Variants in ITGA2 observed in about 807,000 individuals in gnomAD.
ITGA2 encodes the protein integrin subunit alpha 2, also known as integrin alpha-2.
Under a neutral mutation model 146.3 loss-of-function variants are expected in ITGA2, and 101 were observed. The ratio of observed to expected loss-of-function variants is 0.69; its 90% CI spans 0.59 to 0.81. The LOEUF (loss-of-function observed/expected upper bound fraction) is 0.81, where lower values mean the gene tolerates loss of function less well. Among genes scored for constraint, ITGA2 ranks in the 40% least tolerant of loss-of-function variants. The pLI, the probability that ITGA2 is intolerant of heterozygous loss-of-function variation, is 0.00. For synonymous variants in ITGA2, 477 were observed against 487.1 expected (o/e 0.98, Z 0.27); for missense variants, 1,281 against 1,402.7 (o/e 0.91, Z 1.39).
In ITGA2 at chr5:53,093,463, AGC is replaced by A. The variant is rs1740537268; in HGVS notation, c.*2865_*2866del. ...GGGGCTGTCCTGTACCTTGTAGGAC[AGC>A]AGCCCTGTCCTAGAAGGTATGTTTA... is the stretch of plus-strand genomic sequence containing the variant. On this transcript the variant is annotated 3_prime_UTR_variant, in exon 30 of 30. Coordinates refer to ENST00000296585, the MANE Select transcript of ITGA2 (RefSeq NM_002203.4). The A allele has an allele frequency of 7.1e-6, 1 of 139,866 alleles. No homozygotes were observed. The highest frequency in any genetic ancestry group is 2.7e-5 in the African/African-American group (1 of 37,314). 8.7% of individuals were successfully genotyped at this position (139,866 alleles called of 1,614,324 possible).
chr5:53,013,898 T>C (rs1225646343), intron 1 of ITGA2, among the ~76,000 whole-genome samples: 1 of 152,108 alleles, frequency 6.6e-6, no homozygotes, highest in Non-Finnish European at 1.5e-5. Flanking sequence ...GTTTTGGCCC[T>C]CAGCTTGGAC....
intron 12 of ITGA2, among the ~76,000 whole-genome samples, chr5:53,061,748 C>G (rs1429856938): frequency 6.6e-6 from 1 of 151,838 alleles, no homozygotes. Flanking sequence ...TTAAAATGAG[C>G]ATCACTAATC....
At chr5:53,015,748 T>A (rs1426215048) in intron 1 of ITGA2, among the ~76,000 whole-genome samples, 1 of 152,182 alleles carries the variant, frequency 6.6e-6, no homozygotes, top group East Asian at 1.9e-4. Flanking sequence ...TCTAAGGACT[T>A]GTTTTATGAA....
At chr5:53,066,186 C>G (rs2111978415) in intron 15 of ITGA2, among the ~76,000 whole-genome samples, 1 of 151,966 alleles carries the variant, frequency 6.6e-6, no homozygotes, top group South Asian at 2.1e-4. Context: ...ATAGTTCTCT[C>G]CTCATATGGT....
chr5:53,011,292 A>G (rs1478185961), intron 1 of ITGA2, among the ~76,000 whole-genome samples: 1 of 152,102 alleles, frequency 6.6e-6, no homozygotes, highest in African/African-American at 2.4e-5. Flanking sequence ...AAAAGGTTGA[A>G]TTTTCTTCCT....
chr5:53,011,137 G>A (rs1397137208), intron 1 of ITGA2, among the ~76,000 whole-genome samples: 1 of 152,162 alleles, frequency 6.6e-6, no homozygotes, highest in Non-Finnish European at 1.5e-5. Context: ...AACTTCTGCT[G>A]TTTTAAACCA....
chr5:52,993,500 T>C (rs1003763230), intron 1 of ITGA2, among the ~76,000 whole-genome samples: 2 of 152,198 alleles, frequency 1.3e-5, no homozygotes, highest in African/African-American at 4.8e-5. Flanking sequence ...CCTTACCACC[T>C]TGTGGGATGA....
At chr5:53,002,691 T>C (rs1331540841) in intron 1 of ITGA2, among the ~76,000 whole-genome samples, 2 of 152,184 alleles carry the variant, frequency 1.3e-5, no homozygotes, top group Non-Finnish European at 2.9e-5. Context: ...TTTTTTCTTT[T>C]CGTTTTACTT....
At position 53,067,214 on chromosome 5, in the gene ITGA2, C is replaced by T. The variant is rs1313455026; in HGVS notation, c.2040C>T (p.Cys680=). 1 of 1,611,666 alleles carries T rather than the reference C, an allele frequency of 6.2e-7. No individual in the cohort carries two copies. Among genetic ancestry groups the T allele is most frequent in the Non-Finnish European group, 8.5e-7 (1 of 1,178,712 alleles). Reference sequence around the variant, plus strand: ...ATGCTCAGATAATTCTCAAACTCTGCTTCAGTGCAAAGTTCAGACCTACTA... The same window carrying T: ...ATGCTCAGATAATTCTCAAACTCTGTTTCAGTGCAAAGTTCAGACCTACTA... ...NKNAQIILKL[C]FSAKFRPTKQ... is the part of the protein sequence containing the mutation. The change falls in exon 16 of 30, where the codon TGC becomes TGT. Residue 680 remains cysteine, a synonymous_variant. Transcript: ENST00000296585.
Position 53,058,030 on chromosome 5 carries a change from G to A in ITGA2, c.1102G>A (p.Val368Ile), listed in dbSNP as rs1176554942. The A allele has an allele frequency of 1.2e-6, 2 of 1,609,914 alleles. No homozygotes were observed. The highest frequency in any genetic ancestry group is 1.3e-5 in the African/African-American group (1 of 74,718). ...TTTAAAATTGAATGTTCCAGGTACT[G>A]TTCAAGGAGGAGACAACTTTCAGAT... is the stretch of plus-strand genomic sequence containing the variant. Reference protein sequence around the residue: ...GEQIFSIEGTVQGGDNFQMEM... With the variant: ...GEQIFSIEGTIQGGDNFQMEM... The change falls in exon 10 of 30, where the codon GTT becomes ATT. Residue 368 changes from valine (V) to isoleucine (I), a missense_variant. Transcript: ENST00000296585.
At chr5:53,069,769 C>T (rs572028043) in intron 16 of ITGA2, among the ~76,000 whole-genome samples, 2 of 151,978 alleles carry the variant, frequency 1.3e-5, no homozygotes, top group East Asian at 3.9e-4. Context: ...TCTGTGTCTC[C>T]GTGTTATGAG....
chr5:53,088,741 T>C (rs1010961892), intron 28 of ITGA2, among the ~76,000 whole-genome samples: 1 of 150,412 alleles, frequency 6.6e-6, no homozygotes, highest in Admixed American at 6.6e-5. Flanking sequence ...AAGACTGCAA[T>C]TACTTTTGCA....
intron 27 of ITGA2, among the ~76,000 whole-genome samples, 171 bp downstream of exon 27, chr5:53,083,624 CCAT>C (rs1201435076): frequency 1.3e-5 from 2 of 152,164 alleles, no homozygotes; most frequent in Non-Finnish European, 1.5e-5. Flanking sequence ...TTTCCAATGC[CCAT>C]CCAATTTAGC....
At chr5:53,058,268 G>A (rs1266726495) in intron 10 of ITGA2, among the ~76,000 whole-genome samples, 167 bp downstream of exon 10, 3 of 151,778 alleles carry the variant, frequency 2.0e-5, no homozygotes, top group African/African-American at 7.3e-5. Context: ...TCTAAAATTT[G>A]AAGGATAATA....
intron 26 of ITGA2, 89 bp downstream of exon 26, chr5:53,081,785 A>G: frequency 1.2e-6 from 1 of 866,870 alleles, no homozygotes; most frequent in Non-Finnish European, 1.9e-6. Context: ...AGCTGATATC[A>G]TAGAGCTTTC....
In ITGA2 at chr5:53,094,686, C is replaced by A. The variant is rs546594110; in HGVS notation, c.*4087C>A. 1.3e-5 allele frequency: 2 copies of A among 152,236 alleles called. No homozygotes were observed. Among genetic ancestry groups the A allele is most frequent in the East Asian group, 3.9e-4 (2 of 5,192 alleles). 9.4% of individuals were successfully genotyped at this position (152,236 alleles called of 1,614,324 possible). On this transcript the variant is annotated 3_prime_UTR_variant, in exon 30 of 30. Transcript: ENST00000296585. ...CCAAGTATAACAAACAGAAAAGTTT[C>A]ATTATTGTAACCCACTTTTTTCATA...
At chr5:53,061,160 C>A in intron 12 of ITGA2, 114 bp downstream of exon 12, 1 of 982,440 alleles carries the variant, frequency 1.0e-6, no homozygotes, top group Non-Finnish European at 1.6e-6. Flanking sequence ...CTGTGATTGG[C>A]TCTGTAATCT....
chr5:53,069,844 G>A (rs1426036508), intron 16 of ITGA2, among the ~76,000 whole-genome samples: 1 of 151,740 alleles, frequency 6.6e-6, no homozygotes, highest in African/African-American at 2.4e-5. Flanking sequence ...GTTTCCTGGC[G>A]GCAAGTCTAG....
chr5:52,995,794 CA>C (rs1198962036), intron 1 of ITGA2, among the ~76,000 whole-genome samples: 9 of 152,218 alleles, frequency 5.9e-5, no homozygotes, highest in East Asian at 1.9e-4. Context: ...AGGACATTAA[CA>C]AGATGAGTCA....
Sources: gnomAD v4.1 joint callset for allele counts (sites outside exome capture counted in the v4.1 genomes callset) on GRCh38, gnomAD v4.1.1 for gene constraint, MANE v1.5 for transcripts, NCBI Gene and HGNC (gene_info 2026-07-23, HGNC 2026-07-21) for gene names.